PIP5K1B: variants seen among roughly 807,000 people sequenced by gnomAD.
PIP5K1B encodes the protein phosphatidylinositol 4-phosphate 5-kinase type-1 beta.
A neutral mutation model predicts 67.0 loss-of-function variants in PIP5K1B; 42 were observed. The ratio of observed to expected loss-of-function variants is 0.63; its 90% CI spans 0.49 to 0.81. The LOEUF is 0.81. Ranked by LOEUF, PIP5K1B falls within the 30% of genes least tolerant of loss-of-function variation. The pLI, the probability that PIP5K1B is intolerant of heterozygous loss-of-function variation, is 0.00. For missense variants in PIP5K1B, 459 were observed against 646.3 expected (o/e 0.71, Z 3.14); for synonymous variants, 214 against 231.4 (o/e 0.92, Z 0.68).
At chr9:68,795,923 GA>G (rs1351483687) in intron 2 of PIP5K1B, among the ~76,000 whole-genome samples, 1 of 152,042 alleles carries the variant, frequency 6.6e-6, no homozygotes, top group East Asian at 1.9e-4. Context: ...TTAATCATGT[GA>G]AAAAAAGATT....
intron 1 of PIP5K1B, among the ~76,000 whole-genome samples, chr9:68,737,617 T>C (rs1445240875): frequency 2.0e-5 from 3 of 152,230 alleles, no homozygotes; most frequent in African/African-American, 7.2e-5. Context: ...GGCATCATCT[T>C]TGAGCCATTG....
chr9:68,744,412 C>G (rs982275477), intron 2 of PIP5K1B, among the ~76,000 whole-genome samples: 3 of 152,202 alleles, frequency 2.0e-5, no homozygotes, highest in Admixed American at 1.3e-4. Flanking sequence ...AAACATATCA[C>G]GTGGCTATTC....
Position 68,844,864 on chromosome 9 carries a change from C to T in PIP5K1B, c.70-18973C>T, listed in dbSNP as rs140409879. 1.4e-4 allele frequency among the ~76,000 whole-genome samples: 21 copies of T among 152,194 alleles called. No homozygotes were observed. The East Asian group carries it at 3.3e-3, about 24-fold the overall frequency. ...ACTGCCTGTTCTCCTTTCTCAGTAT[C>T]GGTCTCTAAGAGTTGTAATCCAAAG... On this transcript the variant is annotated intron_variant, in intron 4 of 15. Transcript: ENST00000265382.
chr9:68,854,629 C>T (rs1040396849), intron 4 of PIP5K1B, among the ~76,000 whole-genome samples: 3 of 152,160 alleles, frequency 2.0e-5, no homozygotes, highest in African/African-American at 7.2e-5. Flanking sequence ...AAAGAAAAAG[C>T]TAAAAAGATG....
At chr9:68,947,495 A>T (rs1306599677) in intron 14 of PIP5K1B, among the ~76,000 whole-genome samples, 3 of 152,216 alleles carry the variant, frequency 2.0e-5, no homozygotes, top group Non-Finnish European at 2.9e-5. Context: ...TATCGTTTGC[A>T]ACTCTGGGCC....
chr9:69,004,320 CGTGTGTGTGTGTGTTTTTGTGTGTGTGT>C (rs951009387), intron 15 of PIP5K1B, among the ~76,000 whole-genome samples: 1 of 131,544 alleles, frequency 7.6e-6, no homozygotes, highest in African/African-American at 2.8e-5. Context: ...CCTTTGTGGG[CGTGTGTGTGTGTGTTTTTGTGTGTGTGT>C]GTGTGTGTGT....
intron 14 of PIP5K1B, among the ~76,000 whole-genome samples, chr9:68,985,370 G>T (rs1830057443): frequency 6.6e-6 from 1 of 151,706 alleles, no homozygotes; most frequent in Non-Finnish European, 1.5e-5. Context: ...TCCTGCCTCA[G>T]CCTCCCAAGT....
At chr9:68,734,882 C>T (rs905924561) in intron 1 of PIP5K1B, among the ~76,000 whole-genome samples, 7 of 152,338 alleles carry the variant, frequency 4.6e-5, no homozygotes, top group African/African-American at 1.7e-4. Flanking sequence ...TCTGTTGATA[C>T]TGGGCAAATG....
intron 8 of PIP5K1B, among the ~76,000 whole-genome samples, chr9:68,917,003 A>G (rs1160811405): frequency 6.6e-6 from 1 of 152,240 alleles, no homozygotes; most frequent in Non-Finnish European, 1.5e-5. Flanking sequence ...CTTCATGCTG[A>G]GGAAGATACA....
intron 4 of PIP5K1B, among the ~76,000 whole-genome samples, chr9:68,842,395 C>T (rs1821962400): frequency 6.6e-6 from 1 of 152,184 alleles, no homozygotes; most frequent in Non-Finnish European, 1.5e-5. Flanking sequence ...ATAGTAATAT[C>T]ACTTCAAGTG....
chr9:68,922,014 T>C (rs1434169603), intron 11 of PIP5K1B, among the ~76,000 whole-genome samples: 1 of 152,214 alleles, frequency 6.6e-6, no homozygotes, highest in Non-Finnish European at 1.5e-5. Context: ...CGAACAACAA[T>C]GTAACTTCTC....
chr9:68,908,492 C>CTTG (rs1440374705), intron 8 of PIP5K1B, among the ~76,000 whole-genome samples: 1 of 151,016 alleles, frequency 6.6e-6, no homozygotes. Context: ...TTCTAAATCA[C>CTTG]GGCATACACA....
intron 12 of PIP5K1B, among the ~76,000 whole-genome samples, chr9:68,925,448 G>T (rs1454269714): frequency 2.0e-5 from 3 of 152,060 alleles, no homozygotes; most frequent in East Asian, 1.9e-4. Context: ...GTTTTATTTT[G>T]CATGTAAGTA....
At chr9:68,727,829 C>T (rs1828230060) in intron 1 of PIP5K1B, 2 of 152,116 alleles carry the variant, frequency 1.3e-5, no homozygotes, top group Admixed American at 1.3e-4. Flanking sequence ...GGTGTGATAC[C>T]CCACAGTACA....
chr9:68,852,569 C>A (rs574566057), intron 4 of PIP5K1B, among the ~76,000 whole-genome samples: 1 of 152,194 alleles, frequency 6.6e-6, no homozygotes, highest in South Asian at 2.1e-4. Flanking sequence ...CCAAACCCAA[C>A]TAGAAGCCAG....
chr9:68,940,494 G>C lies in PIP5K1B; in HGVS notation c.1358-152G>C. 4.6e-6 allele frequency: 3 copies of C among 655,522 alleles called. No individual in the cohort carries two copies. In the South Asian group the frequency reaches 7.2e-5, roughly 16 times the overall value. The allele number at this position is 655,522 out of a possible 1,614,324, so 40.6% of individuals were successfully genotyped here. On this transcript the variant is annotated intron_variant, in intron 13 of 15. Transcript: ENST00000265382. ...CAAGAAGCTATTTTACATTTCTGCTGTAATTCAGAAAAAAAAAGTGCAGTT... is the reference window on the plus strand; with the variant it reads ...CAAGAAGCTATTTTACATTTCTGCTCTAATTCAGAAAAAAAAAGTGCAGTT...
chr9:69,001,413 ATGTGATG>A (rs1830820559), intron 15 of PIP5K1B, among the ~76,000 whole-genome samples: 1 of 150,204 alleles, frequency 6.7e-6, no homozygotes, highest in Non-Finnish European at 1.5e-5. Flanking sequence ...CAACAGATCT[ATGTGATG>A]TGTTAGATGA....
At chr9:68,991,475 C>T (rs1321103099) in intron 15 of PIP5K1B, among the ~76,000 whole-genome samples, 3 of 152,204 alleles carry the variant, frequency 2.0e-5, no homozygotes, top group Admixed American at 6.5e-5. Context: ...GAAATCACCA[C>T]GTATAACAAG....
intron 12 of PIP5K1B, among the ~76,000 whole-genome samples, chr9:68,926,186 G>A (rs573031133): frequency 1.3e-5 from 2 of 152,202 alleles, no homozygotes; most frequent in Admixed American, 6.5e-5. Context: ...CCCCTGGTGC[G>A]TTTTGGAGGA....
Sources: allele counts gnomAD v4.1 joint callset (sites outside exome capture counted in the v4.1 genomes callset), GRCh38; gene constraint gnomAD v4.1.1; transcripts MANE v1.5; gene names NCBI Gene and HGNC (gene_info 2026-07-23, HGNC 2026-07-21).